Variants in CORO2A observed in about 807,000 individuals in gnomAD.
The protein encoded by CORO2A is coronin-2A.
Under a neutral mutation model 62.4 loss-of-function variants are expected in CORO2A, and 47 were observed. That is an observed-to-expected ratio of 0.75 (90% CI 0.60 to 0.96). CORO2A has a LOEUF of 0.96. Among genes scored for constraint, CORO2A ranks in the 40% least tolerant of loss-of-function variants. CORO2A has a pLI of 0.00. For synonymous variants in CORO2A, 273 were observed against 268.9 expected (o/e 1.02, Z -0.15); for missense variants, 610 against 684.1 (o/e 0.89, Z 1.21).
intron 2 of CORO2A, among the ~76,000 whole-genome samples, chr9:98,154,335 A>G (rs896816596): frequency 1.2e-4 from 14 of 114,014 alleles, no homozygotes; most frequent in African/African-American, 3.9e-4. Flanking sequence ...GTGTGTATAT[A>G]TATATATATA....
rs547709525 is a variant in CORO2A at position 98,133,194 on chromosome 9, T to G, written c.492A>C (p.Thr164=). The G allele has an allele frequency of 9.3e-6, 15 of 1,614,242 alleles. No homozygotes were observed. In the East Asian group the frequency reaches 2.9e-4, roughly 31 times the overall value. Residue 164 remains threonine (T), a synonymous_variant, in exon 5 of 12, where the codon ACA becomes ACC. Coordinates refer to ENST00000375077, the MANE Select transcript of CORO2A (RefSeq NM_052820.4). The part of the protein sequence containing the change: ...DYKVMIWNLD[T]KESVITSPMS... Reference sequence around the variant, plus strand: ...TGGGGCTTGTGATGACAGACTCCTTTGTATCCAGGTTCCAGATCATCACCT... The same window carrying G: ...TGGGGCTTGTGATGACAGACTCCTTGGTATCCAGGTTCCAGATCATCACCT...
At chr9:98,132,739 T>G (rs963847015) in intron 5 of CORO2A, among the ~76,000 whole-genome samples, 1 of 152,194 alleles carries the variant, frequency 6.6e-6, no homozygotes, top group Non-Finnish European at 1.5e-5. Context: ...TCGGCTCTCC[T>G]GACCCCCTGG....
At chr9:98,150,094 A>G (rs1171138314) in intron 2 of CORO2A, among the ~76,000 whole-genome samples, 2 of 151,930 alleles carry the variant, frequency 1.3e-5, no homozygotes, top group Non-Finnish European at 2.9e-5. Flanking sequence ...ACCACGCCCA[A>G]CTAATTTTTC....
chr9:98,185,825 C>T (rs921061579), intron 1 of CORO2A, among the ~76,000 whole-genome samples: 1 of 152,240 alleles, frequency 6.6e-6, no homozygotes, highest in Non-Finnish European at 1.5e-5. Context: ...CAAGGCCACT[C>T]AGTGTCTGAG....
intron 2 of CORO2A, among the ~76,000 whole-genome samples, chr9:98,151,961 C>T (rs962867789): frequency 6.6e-6 from 1 of 151,700 alleles, no homozygotes; most frequent in Admixed American, 6.6e-5. Context: ...GGACCACAGG[C>T]GCACGCCACC....
chr9:98,126,465 T>C (rs1827320044), intron 11 of CORO2A, 84 bp downstream of exon 11: 1 of 1,519,118 alleles, frequency 6.6e-7, no homozygotes, highest in African/African-American at 1.4e-5. Flanking sequence ...TCATGCCTCA[T>C]TTTCTCCCTT....
chr9:98,147,225 C>T (rs548243976), intron 2 of CORO2A, among the ~76,000 whole-genome samples: 1 of 152,070 alleles, frequency 6.6e-6, no homozygotes, highest in African/African-American at 2.4e-5. Flanking sequence ...GGACCATTAA[C>T]ATGAATTAGG....
At chr9:98,138,139 C>T (rs1039871411) in intron 2 of CORO2A, among the ~76,000 whole-genome samples, 15 of 152,228 alleles carry the variant, frequency 9.9e-5, no homozygotes, top group African/African-American at 3.1e-4. Flanking sequence ...AAGATAAGTC[C>T]GCAAGAAACT....
chr9:98,192,534 G>T (rs1233656972), intron 1 of CORO2A, 25 bp downstream of exon 1: 1 of 151,886 alleles, frequency 6.6e-6, no homozygotes, highest in Non-Finnish European at 1.5e-5. Flanking sequence ...GGGAAGGCAC[G>T]GCCGGCGGCG....
intron 1 of CORO2A, among the ~76,000 whole-genome samples, chr9:98,168,523 A>G (rs1827991395): frequency 6.6e-6 from 1 of 152,230 alleles, no homozygotes; most frequent in Non-Finnish European, 1.5e-5. Flanking sequence ...TCACATAGCT[A>G]GTTAGTGGCT....
intron 1 of CORO2A, among the ~76,000 whole-genome samples, chr9:98,163,741 T>TGTGAGAGAGAGAGA (rs1253283361): frequency 1.4e-5 from 2 of 139,632 alleles, no homozygotes; most frequent in Admixed American, 7.0e-5. Context: ...TGTGTGTGTG[T>TGTGAGAGAGAGAGA]GAGAGAGAGA....
chr9:98,127,570 G>A (rs550358091), intron 10 of CORO2A, among the ~76,000 whole-genome samples: 24 of 152,234 alleles, frequency 1.6e-4, no homozygotes, highest in Admixed American at 4.6e-4. Flanking sequence ...CCAGCACTTC[G>A]GGAGGCCGAG....
In CORO2A at chr9:98,124,482, T is replaced by C; in HGVS notation, c.*292A>G. On this transcript the variant is annotated 3_prime_UTR_variant, in exon 12 of 12. Transcript: ENST00000375077. ...CTAGATCCTTCCAGCTCTAGTTTTC[T>C]ACTGTGTTCTTTCCTCTTGAGAAGT... 1 of 227,748 alleles carries C rather than the reference T, an allele frequency of 4.4e-6. No individual in the cohort carries two copies. 14.1% of individuals were successfully genotyped at this position (227,748 alleles called of 1,614,324 possible).
At chr9:98,186,568 T>C (rs1403142475) in intron 1 of CORO2A, among the ~76,000 whole-genome samples, 2 of 152,240 alleles carry the variant, frequency 1.3e-5, no homozygotes, top group Non-Finnish European at 2.9e-5. Flanking sequence ...TTTTGTCTGT[T>C]TTCCTGCCTT....
intron 1 of CORO2A, among the ~76,000 whole-genome samples, chr9:98,163,743 A>ATGTGT (rs61124973): frequency 8.9e-6 from 1 of 112,550 alleles, no homozygotes; most frequent in African/African-American, 3.3e-5. Flanking sequence ...TGTGTGTGTG[A>ATGTGT]GAGAGAGAGA....
At chr9:98,140,587 G>A (rs2118832008) in intron 2 of CORO2A, among the ~76,000 whole-genome samples, 2 of 152,178 alleles carry the variant, frequency 1.3e-5, no homozygotes, top group Non-Finnish European at 2.9e-5. Context: ...AGAACTACAG[G>A]CATGTGTCAC....
chr9:98,174,020 T>C (rs1435885769), intron 1 of CORO2A, among the ~76,000 whole-genome samples: 3 of 151,936 alleles, frequency 2.0e-5, no homozygotes, highest in African/African-American at 7.3e-5. Context: ...GGAGGGAGAA[T>C]TGCTTGAACC....
intron 2 of CORO2A, among the ~76,000 whole-genome samples, chr9:98,154,352 TACACAAATAC>T (rs1827773840): frequency 2.8e-4 from 26 of 93,992 alleles, no homozygotes; most frequent in Admixed American, 4.6e-4. Flanking sequence ...TATATATATA[TACACAAATAC>T]ATATATATAT....
chr9:98,133,299 G>A, intron 4 of CORO2A, 82 bp from the exon 5 acceptor site: 1 of 1,387,054 alleles, frequency 7.2e-7, no homozygotes, highest in Non-Finnish European at 1.0e-6. Context: ...AGGATGCAGT[G>A]AAACACAGTA....
Sources: gnomAD v4.1 joint callset for allele counts (sites outside exome capture counted in the v4.1 genomes callset) on GRCh38, gnomAD v4.1.1 for gene constraint, MANE v1.5 for transcripts, NCBI Gene and HGNC (gene_info 2026-07-23, HGNC 2026-07-21) for gene names.